ZNF628: variants seen among roughly 807,000 people sequenced by gnomAD.
ZNF628 encodes zinc finger protein Zec.
ZNF628 carries 3 observed loss-of-function variants against 2.5 expected under a neutral mutation model. That is an observed-to-expected ratio of 1.19 (90% CI 0.54 to 3.07). The LOEUF is 3.07. Ranked by LOEUF, ZNF628 falls within the 30% of genes most tolerant of loss-of-function variation. ZNF628 has a pLI of 0.03. For synonymous variants in ZNF628, 861 were observed against 717.1 expected, an observed-to-expected ratio of 1.20 and a Z score of -3.21; for missense variants, 1,610 against 1,517.1, an observed-to-expected ratio of 1.06 and a Z score of -1.02.
At position 55,482,221 on chromosome 19, in the gene ZNF628, C is replaced by T. The variant is rs1986736008; in HGVS notation, c.1028C>T (p.Pro343Leu). The T allele has an allele frequency of 2.7e-6, 4 of 1,464,982 alleles. No homozygotes were observed. Among genetic ancestry groups the T allele is most frequent in the African/African-American group, 1.5e-5 (1 of 67,178 alleles). 90.7% of individuals were successfully genotyped at this position (1,464,982 alleles called of 1,614,324 possible). The change falls in exon 3 of 3, where the codon CCG (proline) becomes CTG (leucine). Residue 343 changes from proline (P) to leucine (L), a missense_variant. Physicochemically the swap from Pro to Leu is moderately conservative, Grantham distance 98. Coordinates refer to ENST00000598519, the MANE Select transcript of ZNF628 (RefSeq NM_033113.3). ...GCCGACCAGCCACCGTCCCCTCTGC[C>T]GCAGCCCCCTCCTCCCGCCGCCGCC... ...PKADQPPSPL[P>L]QPPPPAAAPA... is the part of the protein sequence containing the mutation.
intron 1 of ZNF628, among the ~76,000 whole-genome samples, chr19:55,478,845 G>A (rs895402071): frequency 6.6e-6 from 1 of 152,182 alleles, no homozygotes. Context: ...GGAAGAAGAC[G>A]GCTGCCATTT....
Position 55,481,630 on chromosome 19 carries a change from G to A in ZNF628, c.437G>A (p.Arg146His). The stretch of plus-strand genomic sequence containing the variant: ...CACTTAAGGCAGCACACAGGCGAGC[G>A]CCCCTACCCGTGCCCGGACTGCCCC... ...QYHLRQHTGE[R>H]PYPCPDCPKA... The change falls in exon 3 of 3, where the codon CGC becomes CAC. Residue 146 changes from arginine (R) to histidine (H), a missense_variant. Arg to His is a conservative substitution (Grantham distance 29). Around this residue, in one of 5 missense-constraint regions of ZNF628, gnomAD observed 166 missense variants for 241.3 expected, o/e 0.69. Transcript: ENST00000598519. The A allele has an allele frequency of 3.1e-6, 5 of 1,609,424 alleles. No individual in the cohort carries two copies. The highest frequency in any genetic ancestry group is 2.2e-5 in the South Asian group (2 of 90,582).
chr19:55,481,250 G>T lies in ZNF628; in HGVS notation c.57G>T (p.Glu19Asp). Reference protein sequence around the residue: ...HADMAPASTAEGAGEKPGPAA... With the variant: ...HADMAPASTADGAGEKPGPAA... ...ACATGGCGCCGGCCTCTACTGCGGA[G>T]GGGGCCGGGGAGAAGCCAGGCCCTG... The change falls in exon 3 of 3, where the codon GAG becomes GAT. Residue 19 changes from glutamate (E) to aspartate (D), a missense_variant. By Grantham distance (45) the Glu-to-Asp change is conservative. Transcript: ENST00000598519. 6.3e-7 allele frequency: 1 copy of T among 1,581,986 alleles called. No homozygotes were observed. Among genetic ancestry groups the T allele is most frequent in the East Asian group, 2.3e-5 (1 of 43,130 alleles).
rs1013439897 is a variant in ZNF628, at chr19:55,481,097, G to A, written c.8-104G>A. On this transcript the variant is annotated intron_variant, in intron 2 of 2. Coordinates refer to ENST00000598519, the MANE Select transcript of ZNF628 (RefSeq NM_033113.3). ...AAGGAAGGTCCCCTGCAAAGTGGGT[G>A]ACCTGGGGAGGTAGTCCCTGTCCCT... The A allele has an allele frequency of 2.8e-6, 4 of 1,405,788 alleles. No individual in the cohort carries two copies. In the African/African-American group the frequency reaches 4.3e-5, roughly 15 times the overall value. The allele number at this position is 1,405,788 out of a possible 1,614,324, so 87.1% of individuals were successfully genotyped here. A position where few individuals can be genotyped will look rare whatever the true frequency, so the allele number is the denominator to read the frequency against.
Position 55,482,231 on chromosome 19 carries a change from T to C in ZNF628, c.1038T>C (p.Pro346=). The change falls in exon 3 of 3, where the codon CCT becomes CCC. Residue 346 remains proline (P), a synonymous_variant. Coordinates refer to ENST00000598519, the MANE Select transcript of ZNF628 (RefSeq NM_033113.3). ...CACCGTCCCCTCTGCCGCAGCCCCC[T>C]CCTCCCGCCGCCGCCCCCGCGCCTG... ...DQPPSPLPQP[P]PPAAAPAPGF... is the part of the protein sequence containing the mutation. 1 of 1,438,924 alleles carries C rather than the reference T, an allele frequency of 6.9e-7. No homozygotes were observed. The highest frequency in any genetic ancestry group is 9.0e-7 in the Non-Finnish European group (1 of 1,105,004). 89.1% of individuals were successfully genotyped at this position (1,438,924 alleles called of 1,614,324 possible).
rs1568467086 is a variant in ZNF628 at position 55,481,969 on chromosome 19, ACCTCCAGCCCCACAGCCCGCCCGCG to A, written c.782_806del (p.Gln261ProfsTer158). 6.9e-7 allele frequency: 1 copy of A among 1,454,202 alleles called. No homozygotes were observed. The highest frequency in any genetic ancestry group is 9.0e-7 in the Non-Finnish European group (1 of 1,112,222). 90.1% of individuals were successfully genotyped at this position (1,454,202 alleles called of 1,614,324 possible). ...GTGTGCGACGCCTACCTGCAGCGGCACCTCCAGCCCCACAGCCCGCCCGCGCCTCCCGCCCCGCCGCCCCCGCCCC... is the reference window on the plus strand; with the variant it reads ...GTGTGCGACGCCTACCTGCAGCGGCACCTCCCGCCCCGCCGCCCCCGCCCC... On this transcript the variant is annotated frameshift_variant, in exon 3 of 3. Transcript: ENST00000598519. LOFTEE classifies it low-confidence loss of function (END_TRUNC).
Position 55,483,945 on chromosome 19 carries a change from G to A in ZNF628, c.2752G>A (p.Val918Met), listed in dbSNP as rs1052838075. 5 of 1,573,640 alleles carry A rather than the reference G, an allele frequency of 3.2e-6. No individual in the cohort carries two copies. The African/African-American group carries it at 4.0e-5, about 13-fold the overall frequency. ...GGGGGATGGCGAGGCCAGCACTGGT[G>A]TGGTCCAGGATGTCCTCTTTGAGAC... is the stretch of plus-strand genomic sequence containing the variant. ...EAGDGEASTG[V>M]VQDVLFETLQ... is the part of the protein sequence containing the mutation. The change falls in exon 3 of 3, where the codon GTG becomes ATG. Residue 918 changes from valine to methionine, a missense_variant. Around this residue, in one of 5 missense-constraint regions of ZNF628, gnomAD observed 712 missense variants for 603.6 expected, o/e 1.18. Coordinates refer to ENST00000598519, the MANE Select transcript of ZNF628 (RefSeq NM_033113.3).
In ZNF628 at chr19:55,481,876, CCGCCCCCGCCCCGGGTACCGCCTCCG is replaced by C. The variant is rs1288035490; in HGVS notation, c.686_711del (p.Ala229GlyfsTer44). Reference sequence around the variant, plus strand: ...CTGCTGCACCAGCGCACGCACGGCGCCGCCCCCGCCCCGGGTACCGCCTCCGCGGCCCCGCCCCCCCAGTCCCGGGA... The same window carrying C: ...CTGCTGCACCAGCGCACGCACGGCGCCGGCCCCGCCCCCCCAGTCCCGGGA... On this transcript the variant is annotated frameshift_variant, in exon 3 of 3. Transcript: ENST00000598519. LOFTEE classifies it low-confidence loss of function (END_TRUNC). The C allele has an allele frequency of 6.5e-7, 1 of 1,529,362 alleles. No individual in the cohort carries two copies. The highest frequency in any genetic ancestry group is 2.0e-5 in the Admixed American group (1 of 49,136). 94.7% of individuals were successfully genotyped at this position (1,529,362 alleles called of 1,614,324 possible).
intron 1 of ZNF628, among the ~76,000 whole-genome samples, chr19:55,477,499 C>G (rs140299783): frequency 1.3e-5 from 2 of 152,062 alleles, no homozygotes; most frequent in African/African-American, 4.8e-5. Flanking sequence ...CGGTGGCTCA[C>G]GCCTGTAATC....
intron 1 of ZNF628, 68 bp downstream of exon 1, chr19:55,476,875 C>CGGG (rs1244568669): frequency 1.5e-4 from 3 of 20,070 alleles, no homozygotes; most frequent in African/African-American, 4.0e-4. Flanking sequence ...GGGGGTGGGG[C>CGGG]GGGGGGGGGG....
chr19:55,481,214 C>T lies in ZNF628; in HGVS notation c.21C>T (p.Gly7=). The T allele has an allele frequency of 6.4e-7, 1 of 1,551,284 alleles. No homozygotes were observed. Among genetic ancestry groups the T allele is most frequent in the Non-Finnish European group, 8.7e-7 (1 of 1,151,562 alleles). MSGVMV[G]SHADMAPAST... is the part of the protein sequence containing the mutation. ...TCCCTCCCCCAGGTGTGATGGTCGG[C>T]TCCCACGCGGACATGGCGCCGGCCT... Residue 7 remains glycine, a synonymous_variant, in exon 3 of 3, where the codon GGC becomes GGT. Transcript: ENST00000598519.
In ZNF628 at chr19:55,482,964, G is replaced by A. The variant is rs1234231368; in HGVS notation, c.1771G>A (p.Glu591Lys). The A allele has an allele frequency of 2.5e-6, 4 of 1,610,722 alleles. No homozygotes were observed. Among genetic ancestry groups the A allele is most frequent in the South Asian group, 2.2e-5 (2 of 90,976 alleles). ...LRQHQRVHTG[E>K]RPFRCPLCPK... is the part of the protein sequence containing the mutation. Reference sequence around the variant, plus strand: ...GCAGCACCAGCGCGTGCACACGGGCGAGCGGCCCTTCCGCTGCCCGCTCTG... The same window carrying A: ...GCAGCACCAGCGCGTGCACACGGGCAAGCGGCCCTTCCGCTGCCCGCTCTG... Residue 591 changes from glutamate to lysine, a missense_variant, in exon 3 of 3, where the codon GAG becomes AAG. Physicochemically the swap from Glu to Lys is moderately conservative, Grantham distance 56. Around this residue, in one of 5 missense-constraint regions of ZNF628, gnomAD observed 21 missense variants for 49.8 expected, o/e 0.42. Transcript: ENST00000598519.
At chr19:55,478,811 G>C (rs1212775578) in intron 1 of ZNF628, among the ~76,000 whole-genome samples, 1 of 152,200 alleles carries the variant, frequency 6.6e-6, no homozygotes, top group Non-Finnish European at 1.5e-5. Flanking sequence ...TCGAGAGAGA[G>C]GAGGCGAGGA....
Position 55,481,275 on chromosome 19 carries a change from G to T in ZNF628, c.82G>T (p.Ala28Ser). Residue 28 changes from alanine to serine, a missense_variant, in exon 3 of 3, where the codon GCG (alanine) becomes TCG (serine). Coordinates refer to ENST00000598519, the MANE Select transcript of ZNF628 (RefSeq NM_033113.3). ...AEGAGEKPGP[A>S]APAPAAQYEC... is the part of the protein sequence containing the mutation. Reference sequence around the variant, plus strand: ...GGGGGCCGGGGAGAAGCCAGGCCCTGCGGCCCCTGCCCCGGCGGCCCAGTA... The same window carrying T: ...GGGGGCCGGGGAGAAGCCAGGCCCTTCGGCCCCTGCCCCGGCGGCCCAGTA... 2 of 1,596,386 alleles carry T rather than the reference G, an allele frequency of 1.3e-6. No individual in the cohort carries two copies. The highest frequency in any genetic ancestry group is 2.7e-5 in the African/African-American group (2 of 74,632).
Position 55,479,784 on chromosome 19 carries a change from C to G in ZNF628, c.-77-50C>G, listed in dbSNP as rs772939647. ...TGTCCCAGTTGAGAACCACTAGTAT[C>G]GTGGTCAGAATGTGAGAAACTTCGC... On this transcript the variant is annotated intron_variant, in intron 1 of 2. Transcript: ENST00000598519. This position sits in a 1 kb window ranked among gnomAD's most constrained non-coding sequence, Gnocchi z 5.1. The G allele has an allele frequency of 7.6e-6, 3 of 396,162 alleles. No individual in the cohort carries two copies. Among genetic ancestry groups the G allele is most frequent in the Non-Finnish European group, 1.3e-5 (3 of 224,614 alleles). 24.5% of individuals were successfully genotyped at this position (396,162 alleles called of 1,614,324 possible). A position where few individuals can be genotyped will look rare whatever the true frequency, so the allele number is the denominator to read the frequency against.
Position 55,483,205 on chromosome 19 carries a change from C to T in ZNF628, c.2012C>T (p.Ala671Val). 6.5e-7 allele frequency: 1 copy of T among 1,542,964 alleles called. No homozygotes were observed. Among genetic ancestry groups the T allele is most frequent in the Middle Eastern group, 1.7e-4 (1 of 5,896 alleles). Residue 671 changes from alanine to valine, a missense_variant, in exon 3 of 3, where the codon GCC (alanine) becomes GTC (valine). By Grantham distance (64) the Ala-to-Val change is moderately conservative. This residue lies in a region of ZNF628 where 712 missense variants were observed against 603.6 expected (regional missense o/e 1.18). Transcript: ENST00000598519. ...CCTGCTCCACTGGCTGCTGCGCGGGCCCCGCCAGCCACCCAAGATGTCCAC... is the reference window on the plus strand; with the variant it reads ...CCTGCTCCACTGGCTGCTGCGCGGGTCCCGCCAGCCACCCAAGATGTCCAC... ...QPPAPLAAAR[A>V]PPATQDVHVL...
Position 55,483,988 on chromosome 19 carries a change from G to T in ZNF628, c.2795G>T (p.Gly932Val). 6.3e-7 allele frequency: 1 copy of T among 1,581,098 alleles called. No homozygotes were observed. Among genetic ancestry groups the T allele is most frequent in the Non-Finnish European group, 8.6e-7 (1 of 1,161,788 alleles). Residue 932 changes from glycine (G) to valine (V), a missense_variant, in exon 3 of 3, where the codon GGC becomes GTC. Physicochemically the swap from Gly to Val is moderately radical, Grantham distance 109. Coordinates refer to ENST00000598519, the MANE Select transcript of ZNF628 (RefSeq NM_033113.3). Reference sequence around the variant, plus strand: ...TTTGAGACACTCCAGACGGACGAGGGCTTGCAGAGCGTGCTGGTGCTGAGC... The same window carrying T: ...TTTGAGACACTCCAGACGGACGAGGTCTTGCAGAGCGTGCTGGTGCTGAGC... ...VLFETLQTDE[G>V]LQSVLVLSGA...
rs1351165986 is a variant in ZNF628, at chr19:55,481,880, C to T, written c.687C>T (p.Ala229=). 3 of 1,530,246 alleles carry T rather than the reference C, an allele frequency of 2.0e-6. No homozygotes were observed. Among genetic ancestry groups the T allele is most frequent in the Non-Finnish European group, 2.6e-6 (3 of 1,141,170 alleles). The allele number at this position is 1,530,246 out of a possible 1,614,324, so 94.8% of individuals were successfully genotyped here. A position where few individuals can be genotyped will look rare whatever the true frequency, so the allele number is the denominator to read the frequency against. ...TGCACCAGCGCACGCACGGCGCCGC[C>T]CCCGCCCCGGGTACCGCCTCCGCGG... ...LLLHQRTHGA[A]PAPGTASAAP... is the part of the protein sequence containing the mutation. The change falls in exon 3 of 3, where the codon GCC becomes GCT. Residue 229 remains alanine (A), a synonymous_variant. Coordinates refer to ENST00000598519, the MANE Select transcript of ZNF628 (RefSeq NM_033113.3).
Position 55,482,238 on chromosome 19 carries a change from G to A in ZNF628, c.1045G>A (p.Ala349Thr). The change falls in exon 3 of 3, where the codon GCC becomes ACC. Residue 349 changes from alanine to threonine, a missense_variant. By Grantham distance (58) the Ala-to-Thr change is moderately conservative. Coordinates refer to ENST00000598519, the MANE Select transcript of ZNF628 (RefSeq NM_033113.3). ...PSPLPQPPPP[A>T]AAPAPGFACL... The stretch of plus-strand genomic sequence containing the variant: ...CCCTCTGCCGCAGCCCCCTCCTCCC[G>A]CCGCCGCCCCCGCGCCTGGCTTTGC... 1.4e-6 allele frequency: 2 copies of A among 1,442,656 alleles called. No individual in the cohort carries two copies. Among genetic ancestry groups the A allele is most frequent in the Non-Finnish European group, 1.8e-6 (2 of 1,105,860 alleles). The allele number at this position is 1,442,656 out of a possible 1,614,324, so 89.4% of individuals were successfully genotyped here.
Sources: allele counts gnomAD v4.1 joint callset (sites outside exome capture counted in the v4.1 genomes callset), GRCh38; gene constraint gnomAD v4.1.1; regional missense constraint gnomAD v4.1.1; non-coding constraint Gnocchi (gnomAD v3.1); transcripts MANE v1.5; gene names NCBI Gene and HGNC (gene_info 2026-07-23, HGNC 2026-07-21).